Variants in FGF14 observed in about 807,000 individuals in gnomAD.
FGF14 encodes the protein fibroblast growth factor homologous factor 4.
A neutral mutation model predicts 25.5 loss-of-function variants in FGF14; 5 were observed. That is an observed-to-expected ratio of 0.20 (90% CI 0.10 to 0.41). The LOEUF is 0.41. Among genes scored for constraint, FGF14 ranks in the 10% least tolerant of loss-of-function variants. The pLI is 1.00. For synonymous variants in FGF14, 138 were observed against 118.3 expected, an observed-to-expected ratio of 1.17 and a Z score of -1.08; for missense variants, 222 against 320.1, an observed-to-expected ratio of 0.69 and a Z score of 2.34.
At chr13:101,795,589 A>G (rs1407580) in intron 3 of FGF14, among the ~76,000 whole-genome samples, 63,731 of 151,884 alleles carry the variant, frequency 0.42, 15,427 homozygotes, top group Non-Finnish European at 0.54. Flanking sequence ...TTGCCTTCAT[A>G]TTCCTGAACC....
intron 1 of FGF14, among the ~76,000 whole-genome samples, chr13:102,286,418 C>G (rs1403941003): frequency 6.6e-6 from 1 of 152,144 alleles, no homozygotes; most frequent in Non-Finnish European, 1.5e-5. Context: ...GTCATCTGTA[C>G]TTTACACTCA....
intron 1 of FGF14, among the ~76,000 whole-genome samples, chr13:102,325,607 G>T (rs2056399995): frequency 6.6e-6 from 1 of 152,138 alleles, no homozygotes; most frequent in Non-Finnish European, 1.5e-5. Context: ...CAAGAGGCCT[G>T]CACTGTCCTT....
At chr13:102,130,029 G>GT (rs937081913) in intron 1 of FGF14, among the ~76,000 whole-genome samples, 3 of 152,106 alleles carry the variant, frequency 2.0e-5, no homozygotes, top group Non-Finnish European at 4.4e-5. Flanking sequence ...TACAGTTCTA[G>GT]TATCTCATAT....
chr13:101,916,679 C>A lies in FGF14; in HGVS notation c.-34G>T. The A allele has an allele frequency of 2.0e-6, 3 of 1,463,618 alleles. No individual in the cohort carries two copies. The highest frequency in any genetic ancestry group is 2.7e-6 in the Non-Finnish European group (3 of 1,106,122). 90.7% of individuals were successfully genotyped at this position (1,463,618 alleles called of 1,614,324 possible). On this transcript the variant is annotated 5_prime_UTR_variant, in exon 1 of 5. Transcript: ENST00000376143. ...CGGGAACGGGTCCGGGGAGGGAGGG[C>A]GCGGGAGGACGGCGAGCCGGGGGCA...
rs2034529152 is a variant in FGF14, at chr13:101,712,708, T to C, written c.*10123A>G. 6.6e-6 allele frequency: 1 copy of C among 152,230 alleles called. No individual in the cohort carries two copies. The highest frequency in any genetic ancestry group is 2.4e-5 in the African/African-American group (1 of 41,460). 9.4% of individuals were successfully genotyped at this position (152,230 alleles called of 1,614,324 possible). ...CTCTGATAGTCAATGAAATACTCCA[T>C]GTGGTCTTTGTTGGCAGATATATCA... On this transcript the variant is annotated 3_prime_UTR_variant, in exon 5 of 5. Coordinates refer to ENST00000376143, the MANE Select transcript of FGF14 (RefSeq NM_004115.4).
At chr13:101,741,211 C>T (rs1044794805) in intron 3 of FGF14, among the ~76,000 whole-genome samples, 36 of 152,122 alleles carry the variant, frequency 2.4e-4, no homozygotes, top group Admixed American at 1.2e-3. Flanking sequence ...TGGTGGGTGC[C>T]TATAATCCCA....
In FGF14 at chr13:101,722,818, T is replaced by C. The variant is rs2035080691; in HGVS notation, c.*13A>G. 3 of 1,613,122 alleles carry C rather than the reference T, an allele frequency of 1.9e-6. No individual in the cohort carries two copies. In the South Asian group the frequency reaches 3.3e-5, roughly 18 times the overall value. On this transcript the variant is annotated 3_prime_UTR_variant, in exon 5 of 5. Transcript: ENST00000376143. ...CTCAGGACGAATAAGTCACAACACC[T>C]GTGAGGATCTGGCTATGTTGTCTTA...
chr13:101,759,786 G>A (rs1053445951), intron 3 of FGF14, among the ~76,000 whole-genome samples: 3 of 152,098 alleles, frequency 2.0e-5, no homozygotes, highest in Non-Finnish European at 4.4e-5. Context: ...TAGTCTTTGG[G>A]TGGGAGCTAT....
chr13:101,769,891 T>A (rs1236755669), intron 3 of FGF14, among the ~76,000 whole-genome samples: 2 of 152,132 alleles, frequency 1.3e-5, no homozygotes, highest in Non-Finnish European at 2.9e-5. Flanking sequence ...ATACATGTCA[T>A]CATATATTTG....
chr13:101,929,884 T>C (rs1027447729), intron 1 of FGF14, among the ~76,000 whole-genome samples: 100 of 152,344 alleles, frequency 6.6e-4, no homozygotes, highest in African/African-American at 2.3e-3. Context: ...ATGTGCAACT[T>C]GCATAATCAT....
upstream of FGF14, among the ~76,000 whole-genome samples, chr13:101,917,167 G>A (rs1024640656): frequency 2.0e-4 from 30 of 151,612 alleles, 1 homozygote; most frequent in Non-Finnish European, 4.0e-4. Flanking sequence ...CCCGCGGGCC[G>A]GTGCCGCCGC....
At chr13:102,004,057 C>T (rs1334023361) in intron 1 of FGF14, among the ~76,000 whole-genome samples, 1 of 152,158 alleles carries the variant, frequency 6.6e-6, no homozygotes, top group Non-Finnish European at 1.5e-5. Context: ...TCAAGTGCTG[C>T]TGAGTACCAG....
intron 3 of FGF14, among the ~76,000 whole-genome samples, chr13:101,756,963 G>T (rs2037709482): frequency 1.3e-5 from 2 of 152,080 alleles, no homozygotes; most frequent in Admixed American, 6.6e-5. Flanking sequence ...ATTTTGAGTT[G>T]AAATTTTAAG....
intron 1 of FGF14, among the ~76,000 whole-genome samples, chr13:101,993,191 T>TAA (rs60655623): frequency 2.1e-5 from 3 of 143,810 alleles, no homozygotes; most frequent in African/African-American, 5.0e-5. Flanking sequence ...AAGCATTGAT[T>TAA]AAAAAAAAAA....
intron 1 of FGF14, among the ~76,000 whole-genome samples, chr13:102,388,254 C>G (rs556639351): frequency 4.5e-4 from 69 of 152,256 alleles, no homozygotes; most frequent in African/African-American, 1.4e-3. Flanking sequence ...ATTTAGAAAG[C>G]CAGTAACGTC....
chr13:102,215,875 C>G (rs985402550), intron 1 of FGF14, among the ~76,000 whole-genome samples: 2 of 152,212 alleles, frequency 1.3e-5, no homozygotes, highest in African/African-American at 4.8e-5. Context: ...GCACTCTTCT[C>G]ATTCACTGAT....
intron 3 of FGF14, among the ~76,000 whole-genome samples, chr13:101,766,745 T>C (rs2038425860): frequency 6.6e-6 from 1 of 152,146 alleles, no homozygotes; most frequent in African/African-American, 2.4e-5. Context: ...CTAAATCTCA[T>C]GACTGGCATC....
At chr13:101,756,886 A>T (rs938161832) in intron 3 of FGF14, among the ~76,000 whole-genome samples, 2 of 152,242 alleles carry the variant, frequency 1.3e-5, no homozygotes, top group African/African-American at 4.8e-5. Flanking sequence ...ATCAAATTTT[A>T]AAAAATTAAG....
At chr13:101,988,437 CA>C (rs2038711988) in intron 1 of FGF14, among the ~76,000 whole-genome samples, 1 of 151,956 alleles carries the variant, frequency 6.6e-6, no homozygotes, top group African/African-American at 2.4e-5. Flanking sequence ...TTCACAATAG[CA>C]AACACTTGGA....
Sources: gnomAD v4.1 joint callset for allele counts (sites outside exome capture counted in the v4.1 genomes callset) on GRCh38, gnomAD v4.1.1 for gene constraint, MANE v1.5 for transcripts, NCBI Gene and HGNC (gene_info 2026-07-23, HGNC 2026-07-21) for gene names.